The following LNX2 variants were observed in gnomAD, a reference collection of about 807,000 sequenced individuals.
LNX2 encodes the protein ligand of numb-protein X 2, also known as ligand of Numb protein X 2.
LNX2 carries 35 observed loss-of-function variants against 66.2 expected under a neutral mutation model. The ratio of observed to expected loss-of-function variants is 0.53; its 90% CI spans 0.40 to 0.70. The LOEUF (loss-of-function observed/expected upper bound fraction) is 0.70, where lower values mean the gene tolerates loss of function less well. Ranked by LOEUF, LNX2 falls within the 30% of genes least tolerant of loss-of-function variation. LNX2 has a pLI of 0.00. For missense variants in LNX2, 791 were observed against 850.8 expected (o/e 0.93, Z 0.87); for synonymous variants, 337 against 315.6 (o/e 1.07, Z -0.72).
chr13:27,548,795 G>T (rs913010680), intron 9 of LNX2, among the ~76,000 whole-genome samples: 2 of 152,070 alleles, frequency 1.3e-5, no homozygotes, highest in Non-Finnish European at 2.9e-5. Context: ...TTTGAAGGGG[G>T]TTATTATTTT....
intron 1 of LNX2, among the ~76,000 whole-genome samples, chr13:27,584,569 C>G (rs2138408312): frequency 6.6e-6 from 1 of 151,476 alleles, no homozygotes; most frequent in South Asian, 2.1e-4. Context: ...GGCTGTAGTC[C>G]CAGTTAATTG....
chr13:27,580,215 T>C (rs1488579798), intron 2 of LNX2, among the ~76,000 whole-genome samples: 1 of 152,186 alleles, frequency 6.6e-6, no homozygotes, highest in Admixed American at 6.5e-5. Context: ...CATGGTTTAT[T>C]AGAATAGTAA....
intron 7 of LNX2, among the ~76,000 whole-genome samples, chr13:27,555,610 C>G (rs1209965297): frequency 1.3e-5 from 2 of 152,106 alleles, no homozygotes; most frequent in Admixed American, 6.5e-5. Flanking sequence ...AATTTCAGCT[C>G]TTATATTTAG....
intron 1 of LNX2, among the ~76,000 whole-genome samples, chr13:27,597,439 C>T (rs1012805240): frequency 6.6e-6 from 1 of 152,118 alleles, no homozygotes; most frequent in Non-Finnish European, 1.5e-5. Context: ...GAACAAGGAA[C>T]AACAGCTTTA....
At chr13:27,603,226 T>C (rs1203806378) in intron 1 of LNX2, among the ~76,000 whole-genome samples, 2 of 152,234 alleles carry the variant, frequency 1.3e-5, no homozygotes, top group Non-Finnish European at 2.9e-5. Flanking sequence ...AAGATATTTG[T>C]TAAAAAAGAA....
intron 1 of LNX2, among the ~76,000 whole-genome samples, chr13:27,592,360 G>T (rs928513131): frequency 6.6e-6 from 1 of 152,162 alleles, no homozygotes. Flanking sequence ...TGGGAGGGGG[G>T]AAAGTCAAGG....
Position 27,567,781 on chromosome 13 carries a change from C to T in LNX2, c.714G>A (p.Arg238=). ...TTCCTAACTGAATGTAAGGATTGGA[C>T]CGATGAATTTCAATCGTGGTGATTT... ...EGEITTIEIH[R]SNPYIQLGIS... The change falls in exon 4 of 10, where the codon CGG becomes CGA. Residue 238 remains arginine, a synonymous_variant. Coordinates refer to ENST00000316334, the MANE Select transcript of LNX2 (RefSeq NM_153371.4). 2 of 1,613,980 alleles carry T rather than the reference C, an allele frequency of 1.2e-6. No homozygotes were observed. Among genetic ancestry groups the T allele is most frequent in the Non-Finnish European group, 1.7e-6 (2 of 1,179,966 alleles).
intron 2 of LNX2, among the ~76,000 whole-genome samples, chr13:27,576,734 A>AG (rs1955344106): frequency 1.3e-5 from 2 of 152,126 alleles, no homozygotes; most frequent in Admixed American, 1.3e-4. Flanking sequence ...CCAGAAAAAA[A>AG]AAAAGAAAAG....
chr13:27,547,543 T>C lies in LNX2; in HGVS notation c.*792A>G, dbSNP rs1566112611. The C allele has an allele frequency of 6.6e-6, 1 of 152,192 alleles. No individual in the cohort carries two copies. The highest frequency in any genetic ancestry group is 1.5e-5 in the Non-Finnish European group (1 of 68,020). 9.4% of individuals were successfully genotyped at this position (152,192 alleles called of 1,614,324 possible). On this transcript the variant is annotated 3_prime_UTR_variant, in exon 10 of 10. Transcript: ENST00000316334. ...ATCAGTTTATAAACAGTATGAAGTT[T>C]TGAAATGTTGGCACCAATAAAAAAT...
chr13:27,562,830 A>C (rs188209710), intron 4 of LNX2, 49 bp from the exon 5 acceptor site: 48 of 1,551,934 alleles, frequency 3.1e-5, no homozygotes, highest in Non-Finnish European at 3.9e-5. Context: ...TTATTTTTCC[A>C]ATTTGTAGGA....
chr13:27,551,566 T>C (rs1946015554), intron 8 of LNX2, among the ~76,000 whole-genome samples: 3 of 151,848 alleles, frequency 2.0e-5, no homozygotes, highest in Admixed American at 2.0e-4. Flanking sequence ...TGGATCTAAA[T>C]GCACGGAAGG....
chr13:27,573,974 G>C (rs1955315754), intron 2 of LNX2, among the ~76,000 whole-genome samples: 1 of 147,528 alleles, frequency 6.8e-6, no homozygotes, highest in African/African-American at 2.5e-5. Context: ...AGGAAGCCCA[G>C]GCATTAGCTT....
rs1206475605 is a variant in LNX2, at chr13:27,546,523, T to A, written c.*1812A>T. 6.6e-6 allele frequency: 1 copy of A among 152,170 alleles called. No homozygotes were observed. The highest frequency in any genetic ancestry group is 1.5e-5 in the Non-Finnish European group (1 of 68,026). 9.4% of individuals were successfully genotyped at this position (152,170 alleles called of 1,614,324 possible). ...CAGTGTAACTAAGGGGTTGAACAAG[T>A]CAGTAGCAATGATTGTTGCTGTATC... On this transcript the variant is annotated 3_prime_UTR_variant, in exon 10 of 10. Coordinates refer to ENST00000316334, the MANE Select transcript of LNX2 (RefSeq NM_153371.4).
intron 1 of LNX2, among the ~76,000 whole-genome samples, chr13:27,588,984 G>C (rs1955522413): frequency 6.6e-6 from 1 of 152,130 alleles, no homozygotes; most frequent in Non-Finnish European, 1.5e-5. Flanking sequence ...AGACACTTGT[G>C]CCAAAAAGAG....
At chr13:27,568,696 C>T (rs987254924) in intron 3 of LNX2, among the ~76,000 whole-genome samples, 5 of 152,140 alleles carry the variant, frequency 3.3e-5, no homozygotes, top group Admixed American at 3.3e-4. Flanking sequence ...ATGTTGACTT[C>T]TTATGACAAG....
At chr13:27,593,563 CTTTTTT>C (rs35280780) in intron 1 of LNX2, among the ~76,000 whole-genome samples, 5 of 115,564 alleles carry the variant, frequency 4.3e-5, no homozygotes, top group South Asian at 3.0e-4. Context: ...CTGGCTGAAA[CTTTTTT>C]TTTTTTTTTT....
intron 1 of LNX2, among the ~76,000 whole-genome samples, chr13:27,602,948 A>G (rs1955675180): frequency 1.3e-5 from 2 of 152,184 alleles, no homozygotes; most frequent in Admixed American, 1.3e-4. Flanking sequence ...GAGGTACATA[A>G]GATATAGTGC....
intron 3 of LNX2, 128 bp from the exon 4 acceptor site, chr13:27,567,967 A>ACT: frequency 1.3e-6 from 1 of 754,940 alleles, no homozygotes; most frequent in Non-Finnish European, 2.2e-6. Context: ...AAGCAGTATC[A>ACT]CTGGATAAGA....
At chr13:27,564,769 T>G (rs922066769) in intron 4 of LNX2, among the ~76,000 whole-genome samples, 16 of 152,240 alleles carry the variant, frequency 1.1e-4, no homozygotes, top group Non-Finnish European at 1.9e-4. Flanking sequence ...TTCGAGATTT[T>G]CAAATTGGCT....
Sources: gnomAD v4.1 joint callset for allele counts (sites outside exome capture counted in the v4.1 genomes callset) on GRCh38, gnomAD v4.1.1 for gene constraint, MANE v1.5 for transcripts, NCBI Gene and HGNC (gene_info 2026-07-23, HGNC 2026-07-21) for gene names.